The following MIPEP variants were observed in gnomAD, a reference collection of about 807,000 sequenced individuals.
MIPEP encodes the protein mitochondrial intermediate peptidase.
MIPEP carries 79 observed loss-of-function variants against 90.3 expected under a neutral mutation model. That is an observed-to-expected ratio of 0.87 (90% CI 0.73 to 1.05). The LOEUF (loss-of-function observed/expected upper bound fraction) is 1.05, where lower values mean the gene tolerates loss of function less well. Among genes scored for constraint, MIPEP ranks in the 50% least tolerant of loss-of-function variants. The probability of loss-of-function intolerance (pLI) is 0.00; values close to 1 mark genes in which losing one functional copy is unlikely to be tolerated. For synonymous variants in MIPEP, 334 were observed against 315.8 expected, an observed-to-expected ratio of 1.06 and a Z score of -0.61; for missense variants, 940 against 905.6, an observed-to-expected ratio of 1.04 and a Z score of -0.49.
chr13:23,774,027 C>T (rs1233707968), intron 16 of MIPEP, among the ~76,000 whole-genome samples: 4 of 152,174 alleles, frequency 2.6e-5, no homozygotes, highest in Admixed American at 6.5e-5. Flanking sequence ...GTATGTAATC[C>T]TATGTTTTCT....
chr13:23,834,649 C>G (rs1405591399), intron 14 of MIPEP, among the ~76,000 whole-genome samples: 1 of 152,216 alleles, frequency 6.6e-6, no homozygotes, highest in Non-Finnish European at 1.5e-5. Context: ...CCGCTGAGAG[C>G]TGACTGGCGA....
At chr13:23,762,707 G>C (rs751429518) in intron 16 of MIPEP, among the ~76,000 whole-genome samples, 53 of 152,184 alleles carry the variant, frequency 3.5e-4, no homozygotes, top group Non-Finnish European at 7.3e-4. Context: ...CTCCTGTGCT[G>C]GGCAGGGGCA....
intron 16 of MIPEP, among the ~76,000 whole-genome samples, chr13:23,793,987 T>C (rs1025417441): frequency 5.3e-5 from 8 of 152,112 alleles, no homozygotes; most frequent in Non-Finnish European, 8.8e-5. Context: ...GGAAGGGACG[T>C]CACACTCAAA....
intron 17 of MIPEP, among the ~76,000 whole-genome samples, chr13:23,757,982 G>T (rs934032095): frequency 1.3e-5 from 2 of 152,198 alleles, no homozygotes; most frequent in African/African-American, 4.8e-5. Context: ...CTCTTTACAT[G>T]TGGGTCATTT....
At chr13:23,789,034 C>T (rs1050746040) in intron 16 of MIPEP, among the ~76,000 whole-genome samples, 1 of 152,166 alleles carries the variant, frequency 6.6e-6, no homozygotes, top group African/African-American at 2.4e-5. Flanking sequence ...TCTTGAACTC[C>T]TGGGCTCAAG....
At chr13:23,809,983 G>GTATA in intron 14 of MIPEP, 59 bp from the exon 15 acceptor site, 1 of 973,596 alleles carries the variant, frequency 1.0e-6, no homozygotes, top group South Asian at 1.6e-5. Context: ...ACTGCACTAT[G>GTATA]TATAAGCCAG....
Position 23,846,763 on chromosome 13 carries a change from A to C in MIPEP, c.1107-5275T>G, listed in dbSNP as rs141199059. 2.0e-4 allele frequency among the ~76,000 whole-genome samples: 31 copies of C among 152,302 alleles called. No homozygotes were observed. The East Asian group carries it at 5.6e-3, about 27-fold the overall frequency. ...TTCAGATTAGAAATGCTTGACCTGT[A>C]TTGCAAATATGTTGCCCATTTTTCC... On this transcript the variant is annotated intron_variant, in intron 10 of 18. Coordinates refer to ENST00000382172, the MANE Select transcript of MIPEP (RefSeq NM_005932.4).
At chr13:23,787,908 C>T (rs1189183854) in intron 16 of MIPEP, among the ~76,000 whole-genome samples, 2 of 152,176 alleles carry the variant, frequency 1.3e-5, no homozygotes, top group African/African-American at 4.8e-5. Flanking sequence ...ACCTCAGCTG[C>T]ACTCTTCAGG....
intron 18 of MIPEP, among the ~76,000 whole-genome samples, chr13:23,738,161 C>A (rs1411384935): frequency 7.2e-5 from 11 of 151,922 alleles, no homozygotes; most frequent in Admixed American, 7.2e-4. Context: ...ACAAACAACC[C>A]CAAAAAAGAA....
intron 16 of MIPEP, among the ~76,000 whole-genome samples, chr13:23,788,072 C>T (rs1952866672): frequency 6.6e-6 from 1 of 152,104 alleles, no homozygotes; most frequent in Non-Finnish European, 1.5e-5. Context: ...AGAAGGAATA[C>T]ATGCTCATTA....
At chr13:23,831,020 G>C (rs1468215541) in intron 14 of MIPEP, among the ~76,000 whole-genome samples, 1 of 152,140 alleles carries the variant, frequency 6.6e-6, no homozygotes, top group Non-Finnish European at 1.5e-5. Context: ...GAGGACAAAA[G>C]GGAACAGAGG....
intron 16 of MIPEP, among the ~76,000 whole-genome samples, chr13:23,794,727 C>T (rs1185375836): frequency 6.6e-6 from 1 of 152,016 alleles, no homozygotes; most frequent in East Asian, 1.9e-4. Flanking sequence ...TGATTTGGCT[C>T]AAAGGACCAT....
intron 15 of MIPEP, among the ~76,000 whole-genome samples, chr13:23,809,368 CAG>C (rs984175016): frequency 1.1e-4 from 16 of 146,470 alleles, no homozygotes; most frequent in Non-Finnish European, 1.6e-4. Context: ...TTTTTTGAGA[CAG>C]AGTCTCACTC....
intron 18 of MIPEP, among the ~76,000 whole-genome samples, chr13:23,741,625 C>G (rs1565978360): frequency 6.6e-6 from 1 of 151,792 alleles, no homozygotes; most frequent in Non-Finnish European, 1.5e-5. Flanking sequence ...ATAATGAGAA[C>G]ACATGGACAC....
chr13:23,799,107 G>C (rs184700051), intron 16 of MIPEP, among the ~76,000 whole-genome samples: 6 of 136,260 alleles, frequency 4.4e-5, no homozygotes, highest in African/African-American at 1.6e-4. Context: ...AGGTTCAAAC[G>C]ATTCTCCTGC....
At chr13:23,810,782 G>GT (rs1953163030) in intron 14 of MIPEP, among the ~76,000 whole-genome samples, 1 of 152,214 alleles carries the variant, frequency 6.6e-6, no homozygotes, top group African/African-American at 2.4e-5. Context: ...CCACTGCTTT[G>GT]TAGGAGTCTA....
chr13:23,783,687 T>C (rs1952806577), intron 16 of MIPEP, among the ~76,000 whole-genome samples: 1 of 152,212 alleles, frequency 6.6e-6, no homozygotes, highest in African/African-American at 2.4e-5. Context: ...GACATGATTG[T>C]ATATTTAGAA....
In MIPEP at chr13:23,806,004, G is replaced by T. The variant is rs1383945723; in HGVS notation, c.1794C>A (p.Asp598Glu). 2 of 1,613,730 alleles carry T rather than the reference G, an allele frequency of 1.2e-6. No homozygotes were observed. Among genetic ancestry groups the T allele is most frequent in the Non-Finnish European group, 1.7e-6 (2 of 1,179,646 alleles). Residue 598 changes from aspartate (D) to glutamate (E), a missense_variant, in exon 16 of 19, where the codon GAC becomes GAA. Physicochemically the swap from Asp to Glu is conservative, Grantham distance 45. Transcript: ENST00000382172. ...GKHPLRNSTT[D>E]ILKETQEKFY... ...ATTTCTCTTGTGTTTCCTTGAGAAT[G>T]TCTGTGGTTGAATTCCTCAGGGGAT...
intron 18 of MIPEP, among the ~76,000 whole-genome samples, chr13:23,735,814 C>A (rs1258098057): frequency 6.6e-6 from 1 of 152,068 alleles, no homozygotes; most frequent in East Asian, 1.9e-4. Flanking sequence ...GGGGAAGAAT[C>A]CTGGGCACAC....
Sources: gnomAD v4.1 joint callset for allele counts (sites outside exome capture counted in the v4.1 genomes callset) on GRCh38, gnomAD v4.1.1 for gene constraint, MANE v1.5 for transcripts, NCBI Gene and HGNC (gene_info 2026-07-23, HGNC 2026-07-21) for gene names.